The following SLC22A3 variants were observed in gnomAD, a reference collection of about 807,000 sequenced individuals.
SLC22A3 encodes the protein EMT organic cation transporter 3.
A neutral mutation model predicts 59.1 loss-of-function variants in SLC22A3; 51 were observed. The ratio of observed to expected loss-of-function variants is 0.86; its 90% CI spans 0.69 to 1.09. The LOEUF is 1.09. SLC22A3 is among the 50% of genes least tolerant of loss of function. SLC22A3 has a pLI of 0.00. For synonymous variants in SLC22A3, 325 were observed against 292.0 expected (o/e 1.11, Z -1.15); for missense variants, 711 against 726.3 (o/e 0.98, Z 0.24).
intron 1 of SLC22A3, among the ~76,000 whole-genome samples, chr6:160,376,154 A>T (rs1785582619): frequency 6.6e-6 from 1 of 152,226 alleles, no homozygotes; most frequent in Non-Finnish European, 1.5e-5. Context: ...ATAGAATACT[A>T]TGCAGCCATA....
chr6:160,393,267 A>ATTTATTTAT (rs1406483566), intron 1 of SLC22A3, among the ~76,000 whole-genome samples: 33 of 151,244 alleles, frequency 2.2e-4, no homozygotes, highest in Non-Finnish European at 2.1e-4. Flanking sequence ...GAGTTTATTT[A>ATTTATTTAT]TTTATTTATT....
At chr6:160,401,779 T>C (rs532642253) in intron 2 of SLC22A3, among the ~76,000 whole-genome samples, 1 of 152,074 alleles carries the variant, frequency 6.6e-6, no homozygotes, top group African/African-American at 2.4e-5. Flanking sequence ...CATGAAGTGA[T>C]ACAGTGTTAT....
At chr6:160,356,443 AC>A (rs1445097042) in intron 1 of SLC22A3, among the ~76,000 whole-genome samples, 1 of 152,214 alleles carries the variant, frequency 6.6e-6, no homozygotes, top group East Asian at 1.9e-4. Flanking sequence ...TAATGTGCTG[AC>A]GTCCATTGTG....
chr6:160,391,964 A>T (rs1310726564), intron 1 of SLC22A3, among the ~76,000 whole-genome samples: 1 of 152,224 alleles, frequency 6.6e-6, no homozygotes, highest in Non-Finnish European at 1.5e-5. Context: ...AAAGCCTGAT[A>T]GTTATGAACC....
At chr6:160,392,649 G>A (rs1315633970) in intron 1 of SLC22A3, among the ~76,000 whole-genome samples, 1 of 152,154 alleles carries the variant, frequency 6.6e-6, no homozygotes, top group African/African-American at 2.4e-5. Context: ...CCCAAATAGT[G>A]CCATCAGATC....
At chr6:160,391,883 T>G (rs1786274146) in intron 1 of SLC22A3, among the ~76,000 whole-genome samples, 1 of 152,158 alleles carries the variant, frequency 6.6e-6, no homozygotes, top group African/African-American at 2.4e-5. Context: ...TTCACAAGTT[T>G]AGAAAAAAAG....
At chr6:160,381,747 T>C (rs529168919) in intron 1 of SLC22A3, among the ~76,000 whole-genome samples, 10 of 152,308 alleles carry the variant, frequency 6.6e-5, no homozygotes, top group African/African-American at 2.2e-4. Flanking sequence ...TTTCTACCAA[T>C]GGAAAGTGGA....
intron 1 of SLC22A3, among the ~76,000 whole-genome samples, chr6:160,357,471 G>A (rs983647138): frequency 6.6e-6 from 1 of 152,156 alleles, no homozygotes; most frequent in East Asian, 1.9e-4. Flanking sequence ...GGGGAGGGAC[G>A]CCGTAAGCTG....
chr6:160,413,825 C>G (rs1236856057), intron 5 of SLC22A3, among the ~76,000 whole-genome samples: 2 of 152,240 alleles, frequency 1.3e-5, no homozygotes, highest in African/African-American at 4.8e-5. Context: ...CAGTGTTCCA[C>G]TTCCCTGATT....
At chr6:160,395,369 T>C (rs1366379163) in intron 1 of SLC22A3, among the ~76,000 whole-genome samples, 3 of 152,210 alleles carry the variant, frequency 2.0e-5, no homozygotes, top group Admixed American at 6.5e-5. Context: ...AGCACTCCTG[T>C]TTGCCTCTGC....
intron 5 of SLC22A3, among the ~76,000 whole-genome samples, chr6:160,430,081 GTA>G (rs1477234149): frequency 6.6e-6 from 1 of 151,660 alleles, no homozygotes; most frequent in Admixed American, 6.6e-5. Flanking sequence ...GTGCATATAT[GTA>G]TATATATACA....
In SLC22A3 at chr6:160,427,344, C is replaced by T. The variant is rs117961525; in HGVS notation, c.976-9436C>T. ...CGGGACTTGCCCCAGTCACCCTTGC[C>T]CTGAGAACTCAGTGACTGGGGCTAA... is the stretch of plus-strand genomic sequence containing the variant. On this transcript the variant is annotated intron_variant, in intron 5 of 10. Coordinates refer to ENST00000275300, the MANE Select transcript of SLC22A3 (RefSeq NM_021977.4). Among the ~76,000 whole-genome samples, 252 of 152,296 alleles carry T rather than the reference C, an allele frequency of 1.7e-3. 2 individuals carry two copies. The highest frequency in any genetic ancestry group is 0.016 in the East Asian group (85 of 5,174).
intron 7 of SLC22A3, among the ~76,000 whole-genome samples, chr6:160,437,942 G>A (rs1405817604): frequency 1.3e-5 from 2 of 152,148 alleles, no homozygotes; most frequent in Non-Finnish European, 2.9e-5. Context: ...CAGACAAGGA[G>A]CCTGAGAGAT....
chr6:160,360,700 C>T (rs117159555), intron 1 of SLC22A3, among the ~76,000 whole-genome samples: 309 of 152,316 alleles, frequency 2.0e-3, no homozygotes, highest in Non-Finnish European at 2.3e-3. Context: ...GGAAGGTCCA[C>T]GCTCTATTTC....
intron 1 of SLC22A3, among the ~76,000 whole-genome samples, chr6:160,358,957 T>C (rs1298053743): frequency 6.6e-6 from 1 of 152,220 alleles, no homozygotes; most frequent in Admixed American, 6.5e-5. Context: ...CTGCAGGGCT[T>C]GAACTCCATC....
intron 1 of SLC22A3, among the ~76,000 whole-genome samples, chr6:160,395,286 A>G (rs1162924638): frequency 6.6e-6 from 1 of 152,230 alleles, no homozygotes; most frequent in Non-Finnish European, 1.5e-5. Context: ...TTTAATTCAC[A>G]TAGTTCAAAA....
At chr6:160,444,560 T>A (rs576441231) in intron 9 of SLC22A3, among the ~76,000 whole-genome samples, 12 of 151,994 alleles carry the variant, frequency 7.9e-5, no homozygotes, top group Non-Finnish European at 1.5e-4. Context: ...CCAGCTTCCA[T>A]AGGACTTGTG....
chr6:160,399,033 T>G (rs928309226), intron 2 of SLC22A3, among the ~76,000 whole-genome samples: 4 of 152,204 alleles, frequency 2.6e-5, no homozygotes, highest in Admixed American at 2.0e-4. Flanking sequence ...AAAGGCCCCA[T>G]ATCCTGTAGC....
At chr6:160,357,916 A>G (rs191964859) in intron 1 of SLC22A3, among the ~76,000 whole-genome samples, 44 of 152,352 alleles carry the variant, frequency 2.9e-4, no homozygotes, top group Admixed American at 2.4e-3. Context: ...CAAATTTATC[A>G]CATCTCTTGT....
Sources: allele counts gnomAD v4.1 joint callset (sites outside exome capture counted in the v4.1 genomes callset), GRCh38; gene constraint gnomAD v4.1.1; transcripts MANE v1.5; gene names NCBI Gene and HGNC (gene_info 2026-07-23, HGNC 2026-07-21).